Variants in CA10 observed in about 807,000 individuals in gnomAD.
CA10 encodes the protein carbonic anhydrase 10 (inactive), also known as carbonic anhydrase-related protein 10.
Under a neutral mutation model 44.2 loss-of-function variants are expected in CA10, and 14 were observed. That is an observed-to-expected ratio of 0.32 (90% CI 0.21 to 0.50). The LOEUF (loss-of-function observed/expected upper bound fraction) is 0.50. Ranked by LOEUF, CA10 falls within the 20% of genes least tolerant of loss-of-function variation. CA10 has a pLI of 0.99. For synonymous variants in CA10, 159 were observed against 141.6 expected (o/e 1.12, Z -0.87); for missense variants, 350 against 409.7 (o/e 0.85, Z 1.26).
At chr17:51,852,764 T>C (rs1344721731) in intron 3 of CA10, among the ~76,000 whole-genome samples, 1 of 152,184 alleles carries the variant, frequency 6.6e-6, no homozygotes, top group African/African-American at 2.4e-5. Flanking sequence ...CCACTCACAG[T>C]GTTGTTGTCA....
intron 3 of CA10, among the ~76,000 whole-genome samples, chr17:51,930,654 T>C (rs755152811): frequency 1.4e-4 from 21 of 152,116 alleles, no homozygotes; most frequent in Non-Finnish European, 5.9e-5. Flanking sequence ...AAAGAAGGCC[T>C]AGTAAAGCAG....
At chr17:51,849,971 G>A (rs923639539) in intron 3 of CA10, among the ~76,000 whole-genome samples, 2 of 152,188 alleles carry the variant, frequency 1.3e-5, no homozygotes, top group East Asian at 3.9e-4. Flanking sequence ...ATGCCAAACT[G>A]GGGTCTTTAG....
At chr17:51,930,026 T>C (rs191277707) in intron 3 of CA10, among the ~76,000 whole-genome samples, 4 of 152,234 alleles carry the variant, frequency 2.6e-5, no homozygotes, top group Admixed American at 6.5e-5. Context: ...AGTTACATGG[T>C]ACAAGAAAAT....
chr17:51,723,302 G>T (rs1347199947), intron 4 of CA10, among the ~76,000 whole-genome samples: 1 of 152,178 alleles, frequency 6.6e-6, no homozygotes, highest in South Asian at 2.1e-4. Context: ...AAAAATTAGC[G>T]CTGAATGTCA....
At chr17:51,800,509 T>TA (rs1450246383) in intron 3 of CA10, among the ~76,000 whole-genome samples, 1 of 152,092 alleles carries the variant, frequency 6.6e-6, no homozygotes, top group East Asian at 1.9e-4. Context: ...AAACCTTCTA[T>TA]AAAAAAACAA....
chr17:51,935,858 A>G (rs1188329927), intron 2 of CA10, among the ~76,000 whole-genome samples: 1 of 152,188 alleles, frequency 6.6e-6, no homozygotes, highest in Non-Finnish European at 1.5e-5. Context: ...CACCAAAAAC[A>G]AATAGGTCAG....
At chr17:52,105,021 C>T (rs1371922858) in intron 1 of CA10, among the ~76,000 whole-genome samples, 1 of 152,150 alleles carries the variant, frequency 6.6e-6, no homozygotes, top group African/African-American at 2.4e-5. Flanking sequence ...AGTCTAGACG[C>T]TCAGCTTCCA....
chr17:51,802,907 T>G (rs1906989492), intron 3 of CA10, among the ~76,000 whole-genome samples: 1 of 152,190 alleles, frequency 6.6e-6, no homozygotes, highest in African/African-American at 2.4e-5. Flanking sequence ...GCCCCATTTC[T>G]TTCCCAGAAG....
intron 3 of CA10, among the ~76,000 whole-genome samples, chr17:51,841,201 C>A (rs1316262505): frequency 6.6e-6 from 1 of 152,184 alleles, no homozygotes; most frequent in Non-Finnish European, 1.5e-5. Flanking sequence ...CCCACACCAC[C>A]CTTAAGCCTT....
intron 2 of CA10, among the ~76,000 whole-genome samples, chr17:52,066,246 T>G (rs1987532247): frequency 6.6e-6 from 1 of 152,130 alleles, no homozygotes; most frequent in Admixed American, 6.6e-5. Context: ...TGGAATGGTT[T>G]GGAGGGCTTA....
At chr17:51,709,753 A>T (rs1325288549) in intron 4 of CA10, among the ~76,000 whole-genome samples, 1 of 152,148 alleles carries the variant, frequency 6.6e-6, no homozygotes, top group Non-Finnish European at 1.5e-5. Context: ...GTAAGAAACA[A>T]ATTTGGGGAG....
intron 2 of CA10, among the ~76,000 whole-genome samples, chr17:51,961,833 C>T (rs897434906): frequency 6.6e-6 from 1 of 152,210 alleles, no homozygotes; most frequent in South Asian, 2.1e-4. Context: ...GCGATGCCCT[C>T]TCTGCTCCGT....
intron 1 of CA10, among the ~76,000 whole-genome samples, chr17:52,083,704 G>A (rs1450318954): frequency 6.6e-6 from 1 of 152,068 alleles, no homozygotes; most frequent in East Asian, 1.9e-4. Flanking sequence ...TAAGCTAATG[G>A]TCTTCAGTTC....
rs145211477 is a variant in CA10, at chr17:51,836,376, A to G, written c.280-88558T>C. Among the ~76,000 whole-genome samples, 432 of 152,362 alleles carry G rather than the reference A, an allele frequency of 2.8e-3. 1 individual carries two copies. Among genetic ancestry groups the G allele is most frequent in the Non-Finnish European group, 4.5e-3 (307 of 68,026 alleles). On this transcript the variant is annotated intron_variant, in intron 3 of 8. Transcript: ENST00000451037. The stretch of plus-strand genomic sequence containing the variant: ...TAAATTTGGTGAGGTGCTCTATGTA[A>G]AAGCACTTTGAGAAAGGTAGCAGGA...
intron 3 of CA10, among the ~76,000 whole-genome samples, chr17:51,920,646 A>C (rs187856474): frequency 7.9e-5 from 12 of 152,302 alleles, no homozygotes; most frequent in African/African-American, 2.6e-4. Flanking sequence ...AGAGGTAAAC[A>C]TTACAAAGAA....
intron 2 of CA10, among the ~76,000 whole-genome samples, chr17:52,051,384 T>C (rs1987066378): frequency 6.6e-6 from 1 of 150,858 alleles, no homozygotes; most frequent in Non-Finnish European, 1.5e-5. Flanking sequence ...GGGAGAAAAA[T>C]TTTGCAAACT....
intron 1 of CA10, among the ~76,000 whole-genome samples, 156 bp from the exon 2 acceptor site, chr17:52,072,549 T>C (rs1987708162): frequency 6.6e-6 from 1 of 151,598 alleles, no homozygotes; most frequent in Non-Finnish European, 1.5e-5. Flanking sequence ...CTTTTTTTTT[T>C]CAAATAGATC....
intron 3 of CA10, among the ~76,000 whole-genome samples, chr17:51,844,307 A>C (rs1386403046): frequency 6.6e-6 from 1 of 152,242 alleles, no homozygotes; most frequent in African/African-American, 2.4e-5. Context: ...GTCAAAATTA[A>C]GTAAAGAATA....
intron 2 of CA10, among the ~76,000 whole-genome samples, chr17:51,934,832 A>T (rs1982800920): frequency 1.3e-5 from 2 of 152,296 alleles, no homozygotes; most frequent in African/African-American, 2.4e-5. Context: ...AATAATTAAG[A>T]TATTGAAGCT....
Sources: gnomAD v4.1 joint callset for allele counts (sites outside exome capture counted in the v4.1 genomes callset) on GRCh38, gnomAD v4.1.1 for gene constraint, MANE v1.5 for transcripts, NCBI Gene and HGNC (gene_info 2026-07-23, HGNC 2026-07-21) for gene names.